The following TSC22D1 variants were observed in gnomAD, a reference collection of about 807,000 sequenced individuals.
The protein encoded by TSC22D1 is TSC22 domain family member 1, also known as TSC22 domain family protein 1.
In TSC22D1, 9 loss-of-function variants were observed where a neutral mutation model predicts 74.2. That is an observed-to-expected ratio of 0.12 (90% CI 0.07 to 0.21). The LOEUF (loss-of-function observed/expected upper bound fraction) is 0.21, where lower values mean the gene tolerates loss of function less well. Among genes scored for constraint, TSC22D1 ranks in the 10% least tolerant of loss-of-function variants. The pLI is 1.00. For synonymous variants in TSC22D1, 586 were observed against 492.5 expected, an observed-to-expected ratio of 1.19 and a Z score of -2.51; for missense variants, 1,427 against 1,304.7, an observed-to-expected ratio of 1.09 and a Z score of -1.44.
In TSC22D1 at chr13:44,434,256, T is replaced by C. The variant is rs1228656848; in HGVS notation, c.*370A>G. The stretch of plus-strand genomic sequence containing the variant: ...AGCTCCATCGCTTCACAACCCCATG[T>C]AGGACACTAAGCGCAAGCAGGAGAG... On this transcript the variant is annotated 3_prime_UTR_variant, in exon 3 of 3. Coordinates refer to ENST00000458659, the MANE Select transcript of TSC22D1 (RefSeq NM_183422.4). The C allele has an allele frequency of 7.1e-7, 1 of 1,403,868 alleles. No homozygotes were observed. Among genetic ancestry groups the C allele is most frequent in the East Asian group, 2.8e-5 (1 of 36,094 alleles). The allele number at this position is 1,403,868 out of a possible 1,614,324, so 87.0% of individuals were successfully genotyped here.
At chr13:44,445,680 AAAAC>A (rs1485346121) in intron 1 of TSC22D1, among the ~76,000 whole-genome samples, 3 of 152,320 alleles carry the variant, frequency 2.0e-5, no homozygotes, top group East Asian at 1.9e-4. Context: ...CAATAGCAAG[AAAAC>A]AAACAACCCA....
At chr13:44,566,880 C>G (rs1452027008) in intron 1 of TSC22D1, among the ~76,000 whole-genome samples, 3 of 152,084 alleles carry the variant, frequency 2.0e-5, no homozygotes, top group Admixed American at 6.5e-5. Context: ...GCAAAATCCC[C>G]AAAAGACTCA....
chr13:44,434,031 T>C lies in TSC22D1; in HGVS notation c.*595A>G, dbSNP rs1300131355. ...TAAGATAGCCTAGGTCCCAGCTACC[T>C]GTCACCATTTTGTCACTCTCATAGT... On this transcript the variant is annotated 3_prime_UTR_variant, in exon 3 of 3. Transcript: ENST00000458659. The C allele has an allele frequency of 2.0e-6, 3 of 1,534,228 alleles. No homozygotes were observed. Among genetic ancestry groups the C allele is most frequent in the Non-Finnish European group, 2.6e-6 (3 of 1,146,576 alleles).
chr13:44,516,804 A>G (rs1228716659), intron 1 of TSC22D1, among the ~76,000 whole-genome samples: 2 of 152,190 alleles, frequency 1.3e-5, no homozygotes, highest in Non-Finnish European at 2.9e-5. Context: ...TTCTCCTCCT[A>G]TTTCTGGAAA....
chr13:44,444,304 A>AAAAAAAAAAAAG (rs1875451694), intron 1 of TSC22D1, among the ~76,000 whole-genome samples: 5 of 140,860 alleles, frequency 3.5e-5, no homozygotes, highest in African/African-American at 1.3e-4. Context: ...AAAAAAAAAA[A>AAAAAAAAAAAAG]AAAAGAAAAG....
rs142192042 is a variant in TSC22D1 at position 44,574,569 on chromosome 13, T to C, written c.1506A>G (p.Gln502=). The change falls in exon 1 of 3, where the codon CAA becomes CAG. Residue 502 remains glutamine (Q), a synonymous_variant. Transcript: ENST00000458659. Reference sequence around the variant, plus strand: ...CTGGTTGTTGCTGTTGTTGTTGTTGTTGCTGCTGCTGCTGCTGCACCACCA... The same window carrying C: ...CTGGTTGTTGCTGTTGTTGTTGTTGCTGCTGCTGCTGCTGCTGCACCACCA... ...PTVVVQQQQQ[Q]QQQQQQQPAL... is the part of the protein sequence containing the mutation. 9.4e-5 allele frequency: 151 copies of C among 1,608,622 alleles called. 1 individual carries two copies. Among genetic ancestry groups the C allele is most frequent in the South Asian group, 5.5e-4 (50 of 90,946 alleles).
At chr13:44,501,095 G>A (rs1289482022) in intron 1 of TSC22D1, among the ~76,000 whole-genome samples, 1 of 152,146 alleles carries the variant, frequency 6.6e-6, no homozygotes, top group Non-Finnish European at 1.5e-5. Context: ...TAGTACCAGA[G>A]GTTCCTGCCA....
intron 1 of TSC22D1, among the ~76,000 whole-genome samples, chr13:44,456,241 A>G (rs913903430): frequency 2.0e-5 from 3 of 152,174 alleles, no homozygotes; most frequent in African/African-American, 4.8e-5. Context: ...ACGGCGGAGA[A>G]GAAGACCCGA....
chr13:44,436,650 C>A, intron 1 of TSC22D1: 1 of 1,595,950 alleles, frequency 6.3e-7, no homozygotes. Flanking sequence ...CAAAAACACC[C>A]TCGTGGAAAA....
Position 44,576,129 on chromosome 13 carries a change from A to C in TSC22D1, c.-55T>G. The C allele has an allele frequency of 6.9e-7, 1 of 1,446,356 alleles. No individual in the cohort carries two copies. The highest frequency in any genetic ancestry group is 9.1e-7 in the Non-Finnish European group (1 of 1,104,820). 89.6% of individuals were successfully genotyped at this position (1,446,356 alleles called of 1,614,324 possible). On this transcript the variant is annotated 5_prime_UTR_variant, in exon 1 of 3. The change creates a new upstream start codon in the 5' untranslated region. Transcript: ENST00000458659. ...CGAGTGCAATTTCCTTCTGCACCGT[A>C]ATCTTTGTATTGGAGACGCCGGAGA...
intron 1 of TSC22D1, among the ~76,000 whole-genome samples, chr13:44,471,945 C>T (rs1256349342): frequency 6.6e-6 from 1 of 152,222 alleles, no homozygotes. Flanking sequence ...GTATACACTA[C>T]TTGCCCATTA....
intron 1 of TSC22D1, among the ~76,000 whole-genome samples, chr13:44,544,543 TAAAA>T (rs749524284): frequency 7.6e-6 from 1 of 131,790 alleles, no homozygotes; most frequent in South Asian, 2.4e-4. Flanking sequence ...TTTTTTTAAT[TAAAA>T]AAAAAAAAAA....
Position 44,575,849 on chromosome 13 carries a change from C to CCGA in TSC22D1, c.223_225dup (p.Ser75dup), listed in dbSNP as rs1467099173. On this transcript the variant is annotated inframe_insertion, in exon 1 of 3. Coordinates refer to ENST00000458659, the MANE Select transcript of TSC22D1 (RefSeq NM_183422.4). ...CTTTGTGGAGGCGGAGGCTGTGGTC[C>CCGA]CGACGTAGAAGATGCTGCAGGGGGC... is the stretch of plus-strand genomic sequence containing the variant. 1 of 1,613,824 alleles carries CCGA rather than the reference C, an allele frequency of 6.2e-7. No individual in the cohort carries two copies. Among genetic ancestry groups the CCGA allele is most frequent in the Non-Finnish European group, 8.5e-7 (1 of 1,179,986 alleles).
chr13:44,437,049 T>C (rs1874752677), intron 1 of TSC22D1: 1 of 974,238 alleles, frequency 1.0e-6, no homozygotes, highest in African/African-American at 1.8e-5. Context: ...GCGCGGGCCG[T>C]GCTCAGAGGG....
At chr13:44,436,825 C>T in intron 1 of TSC22D1, 1 of 1,356,736 alleles carries the variant, frequency 7.4e-7, no homozygotes, top group South Asian at 2.0e-5. Flanking sequence ...AGGCGCTTCC[C>T]AGATCCGCAG....
intron 2 of TSC22D1, chr13:44,435,746 A>G: frequency 2.2e-6 from 1 of 460,614 alleles, no homozygotes; most frequent in South Asian, 2.1e-5. Flanking sequence ...GCCGAAGGAG[A>G]TAGTTGGCCA....
chr13:44,473,264 G>A (rs9595131), intron 1 of TSC22D1, among the ~76,000 whole-genome samples: 54,232 of 152,082 alleles, frequency 0.36, 10,026 homozygotes, highest in Non-Finnish European at 0.41. Flanking sequence ...GGAGGCCAAC[G>A]CAGGTGGATC....
chr13:44,466,126 A>T (rs1297959917), intron 1 of TSC22D1, among the ~76,000 whole-genome samples: 1 of 152,200 alleles, frequency 6.6e-6, no homozygotes, highest in Non-Finnish European at 1.5e-5. Flanking sequence ...TGTGAGGGCC[A>T]ATCCCCCAGG....
At chr13:44,509,950 C>CA in intron 1 of TSC22D1, among the ~76,000 whole-genome samples, 1,109 of 51,348 alleles carry the variant, frequency 0.022, 17 homozygotes, top group African/African-American at 0.062. Flanking sequence ...AGAAAATAAG[C>CA]AAAAAAAAAA....
Sources: allele counts gnomAD v4.1 joint callset (sites outside exome capture counted in the v4.1 genomes callset), GRCh38; gene constraint gnomAD v4.1.1; transcripts MANE v1.5; gene names NCBI Gene and HGNC (gene_info 2026-07-23, HGNC 2026-07-21).